Variants in CNTNAP5 observed in about 807,000 individuals in gnomAD.
CNTNAP5 encodes the protein contactin-associated protein-like 5.
In CNTNAP5, 72 loss-of-function variants were observed where a neutral mutation model predicts 150.2. That is an observed-to-expected ratio of 0.48 (90% CI 0.40 to 0.58). The LOEUF (loss-of-function observed/expected upper bound fraction) is 0.58. Ranked by LOEUF, CNTNAP5 falls within the 20% of genes least tolerant of loss-of-function variation. CNTNAP5 has a pLI of 0.00. For missense variants in CNTNAP5, 1,636 were observed against 1,626.2 expected (o/e 1.01, Z -0.10); for synonymous variants, 672 against 619.8 (o/e 1.08, Z -1.25).
intron 1 of CNTNAP5, among the ~76,000 whole-genome samples, chr2:124,202,208 T>G (rs969312647): frequency 2.6e-5 from 4 of 152,176 alleles, no homozygotes; most frequent in African/African-American, 9.7e-5. Flanking sequence ...TCTATCATTT[T>G]GTTATGGCCC....
At chr2:124,617,317 C>G (rs1255185724) in intron 12 of CNTNAP5, among the ~76,000 whole-genome samples, 2 of 152,082 alleles carry the variant, frequency 1.3e-5, no homozygotes, top group Non-Finnish European at 2.9e-5. Flanking sequence ...TATATTTTCT[C>G]ACAGTTCTAG....
At chr2:124,034,130 GA>G (rs1681141060) in intron 1 of CNTNAP5, among the ~76,000 whole-genome samples, 1 of 152,174 alleles carries the variant, frequency 6.6e-6, no homozygotes, top group South Asian at 2.1e-4. Context: ...AGGACAGTGA[GA>G]AGGGCATATG....
At chr2:124,763,268 G>A (rs1680997012) in intron 14 of CNTNAP5, among the ~76,000 whole-genome samples, 1 of 152,146 alleles carries the variant, frequency 6.6e-6, no homozygotes. Context: ...AGTCCTTGGA[G>A]TGATTTTTGA....
intron 3 of CNTNAP5, among the ~76,000 whole-genome samples, chr2:124,397,198 G>T (rs1691273050): frequency 6.6e-6 from 1 of 152,174 alleles, no homozygotes; most frequent in South Asian, 2.1e-4. Context: ...GGTGCAGGTT[G>T]ACAATTCTAG....
rs548886003 is a variant in CNTNAP5, at chr2:124,130,805, C to T, written c.83-90900C>T. Among the ~76,000 whole-genome samples, 35 of 152,288 alleles carry T rather than the reference C, an allele frequency of 2.3e-4. No homozygotes were observed. In the South Asian group the frequency reaches 4.8e-3, roughly 21 times the overall value. ...CTAACCCTAAACTGTCATAGAGAAT[C>T]TTCTCCTTTAGTGCTCGGTAATGTA... On this transcript the variant is annotated intron_variant, in intron 1 of 23. Transcript: ENST00000682447.
At chr2:124,726,063 C>G (rs1004936997) in intron 13 of CNTNAP5, among the ~76,000 whole-genome samples, 22 of 151,868 alleles carry the variant, frequency 1.4e-4, no homozygotes, top group Non-Finnish European at 3.1e-4. Flanking sequence ...TCTGTAATGA[C>G]AATACCAATT....
chr2:124,688,536 T>A (rs1380410700), intron 13 of CNTNAP5, among the ~76,000 whole-genome samples: 1 of 152,080 alleles, frequency 6.6e-6, no homozygotes, highest in Non-Finnish European at 1.5e-5. Context: ...AATTTTAGGA[T>A]AAGTCATAGA....
intron 19 of CNTNAP5, among the ~76,000 whole-genome samples, chr2:124,849,576 A>T (rs1425144127): frequency 6.6e-6 from 1 of 152,174 alleles, no homozygotes; most frequent in Admixed American, 6.5e-5. Flanking sequence ...GAAATATACA[A>T]TTGGAATTTT....
intron 10 of CNTNAP5, among the ~76,000 whole-genome samples, chr2:124,528,367 G>A (rs1254896101): frequency 6.6e-6 from 1 of 152,164 alleles, no homozygotes; most frequent in Non-Finnish European, 1.5e-5. Flanking sequence ...GTCGAAGAAG[G>A]TTTCAGAAGG....
At chr2:124,710,098 A>G (rs982950694) in intron 13 of CNTNAP5, among the ~76,000 whole-genome samples, 1 of 151,334 alleles carries the variant, frequency 6.6e-6, no homozygotes, top group African/African-American at 2.5e-5. Context: ...GAGTTTGACA[A>G]TGTTGTGTTT....
chr2:124,680,890 G>C (rs764535705), intron 13 of CNTNAP5: 1 of 151,670 alleles, frequency 6.6e-6, no homozygotes, highest in Admixed American at 6.7e-5. Flanking sequence ...AGGGGATGAG[G>C]GCTATTATAG....
intron 19 of CNTNAP5, among the ~76,000 whole-genome samples, chr2:124,818,784 G>A (rs140174181): frequency 2.1e-4 from 32 of 152,188 alleles, no homozygotes; most frequent in African/African-American, 6.3e-4. Context: ...GAGACCAACT[G>A]CATTTCTCCT....
At chr2:124,448,343 C>T (rs994542775) in intron 6 of CNTNAP5, among the ~76,000 whole-genome samples, 1 of 151,630 alleles carries the variant, frequency 6.6e-6, no homozygotes, top group Non-Finnish European at 1.5e-5. Flanking sequence ...CTAATACATT[C>T]ATTGATTTCT....
Position 124,455,544 on chromosome 2 carries a change from G to C in CNTNAP5, c.918+8607G>C, listed in dbSNP as rs1693099294. 2.6e-5 allele frequency among the ~76,000 whole-genome samples: 4 copies of C among 151,754 alleles called. No individual in the cohort carries two copies. In the South Asian group the frequency reaches 6.2e-4, roughly 24 times the overall value. ...GAAAGAGACATGATAGAGAAAGAGA[G>C]AACCCTCCCTAAGTCATTCTATGAA... On this transcript the variant is annotated intron_variant, in intron 6 of 23. Coordinates refer to ENST00000682447, the MANE Select transcript of CNTNAP5 (RefSeq NM_001367498.1).
At chr2:124,256,532 T>C (rs1687320658) in intron 3 of CNTNAP5, among the ~76,000 whole-genome samples, 1 of 152,096 alleles carries the variant, frequency 6.6e-6, no homozygotes, top group South Asian at 2.1e-4. Context: ...GGCAGTACTG[T>C]AGAAACCCTA....
chr2:124,211,484 T>C (rs1012774602), intron 1 of CNTNAP5, among the ~76,000 whole-genome samples: 16 of 151,624 alleles, frequency 1.1e-4, no homozygotes, highest in African/African-American at 3.9e-4. Flanking sequence ...ACTGGTCTGG[T>C]CTCTTTGCAA....
chr2:124,415,673 T>C (rs1380766538), intron 3 of CNTNAP5, among the ~76,000 whole-genome samples: 2 of 152,286 alleles, frequency 1.3e-5, no homozygotes, highest in Middle Eastern at 3.4e-3. Flanking sequence ...TGATTCATAA[T>C]GAAGCAAGCA....
At chr2:124,254,310 C>T (rs1466782399) in intron 3 of CNTNAP5, among the ~76,000 whole-genome samples, 1 of 152,170 alleles carries the variant, frequency 6.6e-6, no homozygotes, top group Non-Finnish European at 1.5e-5. Context: ...TATCCCAGCT[C>T]CTGCCCCCAG....
intron 19 of CNTNAP5, among the ~76,000 whole-genome samples, chr2:124,832,538 G>A (rs1001711628): frequency 2.6e-5 from 4 of 152,058 alleles, no homozygotes; most frequent in East Asian, 1.9e-4. Flanking sequence ...TGACCCAATA[G>A]GTAATCTAAT....
Sources: gnomAD v4.1 joint callset for allele counts (sites outside exome capture counted in the v4.1 genomes callset) on GRCh38, gnomAD v4.1.1 for gene constraint, MANE v1.5 for transcripts, NCBI Gene and HGNC (gene_info 2026-07-23, HGNC 2026-07-21) for gene names.